RIMS2: variants seen among roughly 807,000 people sequenced by gnomAD.
The protein encoded by RIMS2 is regulating synaptic membrane exocytosis 2, also known as regulating synaptic membrane exocytosis protein 2.
A neutral mutation model predicts 174.4 loss-of-function variants in RIMS2; 59 were observed. That is an observed-to-expected ratio of 0.34 (90% CI 0.27 to 0.42). RIMS2 has a LOEUF of 0.42. Ranked by LOEUF, RIMS2 falls within the 10% of genes least tolerant of loss-of-function variation. The pLI, the probability that RIMS2 is intolerant of heterozygous loss-of-function variation, is 1.00. For synonymous variants in RIMS2, 606 were observed against 572.5 expected, an observed-to-expected ratio of 1.06 and a Z score of -0.84; for missense variants, 1,620 against 1,666.3, an observed-to-expected ratio of 0.97 and a Z score of 0.48.
At chr8:103,594,273 G>C (rs781217165) in intron 1 of RIMS2, among the ~76,000 whole-genome samples, 11 of 151,358 alleles carry the variant, frequency 7.3e-5, no homozygotes, top group Admixed American at 1.3e-4. Context: ...TATGCTCTTT[G>C]TTGGTAATTT....
chr8:103,840,096 G>T (rs545463748), intron 3 of RIMS2, among the ~76,000 whole-genome samples: 2 of 152,220 alleles, frequency 1.3e-5, no homozygotes, highest in African/African-American at 4.8e-5. Context: ...CATTAAAGTG[G>T]TTGTTTCATA....
At chr8:103,606,565 T>G (rs899159898) in intron 1 of RIMS2, among the ~76,000 whole-genome samples, 32 of 152,190 alleles carry the variant, frequency 2.1e-4, no homozygotes, top group Non-Finnish European at 1.2e-4. Flanking sequence ...CTGTTGACTT[T>G]CTGTCTCATT....
At chr8:103,933,433 C>T (rs539979190) in intron 12 of RIMS2, among the ~76,000 whole-genome samples, 1 of 152,226 alleles carries the variant, frequency 6.6e-6, no homozygotes, top group African/African-American at 2.4e-5. Flanking sequence ...TTGCAGTGAG[C>T]TGAGATTGCA....
chr8:103,701,553 A>G (rs564764603), intron 2 of RIMS2, among the ~76,000 whole-genome samples: 1 of 152,134 alleles, frequency 6.6e-6, no homozygotes, highest in South Asian at 2.1e-4. Context: ...TTTTGTACCC[A>G]TTAACCAACC....
chr8:104,216,320 G>A lies in RIMS2; in HGVS notation c.3335-28596G>A, dbSNP rs564839787. On this transcript the variant is annotated intron_variant, in intron 19 of 23. Coordinates refer to ENST00000504942, the Ensembl canonical transcript of RIMS2. The stretch of plus-strand genomic sequence containing the variant: ...GAGGGTCACTTGAGGCCAGGAAATC[G>A]AGACCAGCCTGGGCAACATGGTCTT... Among the ~76,000 whole-genome samples, 4 of 152,290 alleles carry A rather than the reference G, an allele frequency of 2.6e-5. No homozygotes were observed. The East Asian group carries it at 5.8e-4, about 22-fold the overall frequency.
At chr8:103,837,609 G>A (rs2154484157) in intron 3 of RIMS2, among the ~76,000 whole-genome samples, 1 of 152,258 alleles carries the variant, frequency 6.6e-6, no homozygotes, top group South Asian at 2.1e-4. Flanking sequence ...AGAACATGCG[G>A]TGTTTGGTTT....
At chr8:104,017,836 G>A (rs986234589) in intron 19 of RIMS2, among the ~76,000 whole-genome samples, 2 of 152,164 alleles carry the variant, frequency 1.3e-5, no homozygotes, top group Admixed American at 6.5e-5. Flanking sequence ...AGCACTTTGG[G>A]AGGCTGAGGT....
intron 3 of RIMS2, among the ~76,000 whole-genome samples, chr8:103,791,197 G>A (rs201262948): frequency 1.3e-5 from 2 of 152,130 alleles, no homozygotes; most frequent in Non-Finnish European, 2.9e-5. Flanking sequence ...CACAAAGGGA[G>A]GCCCATCAGA....
intron 2 of RIMS2, among the ~76,000 whole-genome samples, chr8:103,759,750 G>T (rs905839849): frequency 6.6e-6 from 1 of 152,066 alleles, no homozygotes; most frequent in Non-Finnish European, 1.5e-5. Context: ...GACAGCTTTT[G>T]CCATAGTGGA....
At chr8:103,697,978 A>G (rs2097126642) in intron 2 of RIMS2, among the ~76,000 whole-genome samples, 1 of 128,322 alleles carries the variant, frequency 7.8e-6, no homozygotes, top group Admixed American at 7.3e-5. Flanking sequence ...GTCTCAAAAG[A>G]AAAAAATTTG....
intron 8 of RIMS2, among the ~76,000 whole-genome samples, chr8:103,917,382 T>G (rs1264535928): frequency 1.3e-5 from 2 of 152,174 alleles, no homozygotes; most frequent in Non-Finnish European, 2.9e-5. Flanking sequence ...TATTGAAATG[T>G]TCCTTTTAAA....
At chr8:103,774,851 A>G (rs1313397905) in intron 3 of RIMS2, among the ~76,000 whole-genome samples, 2 of 152,152 alleles carry the variant, frequency 1.3e-5, no homozygotes, top group Non-Finnish European at 2.9e-5. Flanking sequence ...TGGCTACTAT[A>G]GCGGTAACGT....
chr8:103,579,223 A>ACT (rs34205035), intron 1 of RIMS2, among the ~76,000 whole-genome samples: 17,395 of 149,194 alleles, frequency 0.12, 1,323 homozygotes, highest in Non-Finnish European at 0.17. Flanking sequence ...GCATAGCAAT[A>ACT]CTCTCTCTCT....
intron 19 of RIMS2, among the ~76,000 whole-genome samples, chr8:104,065,565 G>T (rs557847734): frequency 6.6e-6 from 1 of 152,132 alleles, no homozygotes; most frequent in South Asian, 2.1e-4. Flanking sequence ...TTCTTTTTAG[G>T]AATAGTTTCT....
intron 2 of RIMS2, among the ~76,000 whole-genome samples, chr8:103,712,419 A>C (rs1002022320): frequency 6.6e-6 from 1 of 152,112 alleles, no homozygotes; most frequent in Non-Finnish European, 1.5e-5. Flanking sequence ...GGCAAAGGCA[A>C]GGTATGCTTG....
At chr8:104,162,949 T>C (rs2098772556) in intron 19 of RIMS2, among the ~76,000 whole-genome samples, 1 of 152,176 alleles carries the variant, frequency 6.6e-6, no homozygotes. Flanking sequence ...CTGAATGCTA[T>C]TTACTCAATT....
intron 1 of RIMS2, among the ~76,000 whole-genome samples, chr8:103,636,286 C>T (rs2096071659): frequency 6.6e-6 from 1 of 152,112 alleles, no homozygotes. Flanking sequence ...GGGGTGTGCA[C>T]AGAAGTCTAA....
At chr8:104,183,874 C>A (rs1254664837) in intron 19 of RIMS2, among the ~76,000 whole-genome samples, 1 of 151,572 alleles carries the variant, frequency 6.6e-6, no homozygotes, top group Non-Finnish European at 1.5e-5. Context: ...ATCGACTTAT[C>A]TTTTAAATTC....
intron 5 of RIMS2, among the ~76,000 whole-genome samples, chr8:103,911,035 A>C (rs2075576036): frequency 6.6e-6 from 1 of 152,062 alleles, no homozygotes; most frequent in Admixed American, 6.6e-5. Flanking sequence ...ATAGCATTTT[A>C]ATGTGGTATT....
Sources: allele counts gnomAD v4.1 joint callset (sites outside exome capture counted in the v4.1 genomes callset), GRCh38; gene constraint gnomAD v4.1.1; transcripts MANE v1.5; gene names NCBI Gene and HGNC (gene_info 2026-07-23, HGNC 2026-07-21).